Variants in SPATA9 observed in about 807,000 individuals in gnomAD.
SPATA9 encodes spermatogenesis associated 9.
Under a neutral mutation model 25.5 loss-of-function variants are expected in SPATA9, and 27 were observed. The ratio of observed to expected loss-of-function variants is 1.06; its 90% CI spans 0.78 to 1.46. SPATA9 has a LOEUF of 1.46. Among genes scored for constraint, SPATA9 ranks in the 40% most tolerant of loss-of-function variants. SPATA9 has a pLI of 0.00. For missense variants in SPATA9, 282 were observed against 297.5 expected (o/e 0.95, Z 0.38); for synonymous variants, 102 against 105.7 (o/e 0.97, Z 0.21).
chr5:95,682,754 T>C, intron 1 of SPATA9, 40 bp downstream of exon 1: 2 of 1,534,190 alleles, frequency 1.3e-6, no homozygotes, highest in Non-Finnish European at 1.8e-6. Flanking sequence ...TCCCAATTGT[T>C]CCCACACCCA....
At chr5:95,717,241 A>G in the SPATA9 span, among the ~76,000 whole-genome samples, 1 of 152,194 alleles carries the variant, frequency 6.6e-6, no homozygotes, top group Non-Finnish European at 1.5e-5. Context: ...CAGCCAGCAG[A>G]CTGCCTTTGA....
chr5:95,677,587 T>C (rs1418448765), intron 2 of SPATA9, among the ~76,000 whole-genome samples: 2 of 152,132 alleles, frequency 1.3e-5, no homozygotes, highest in Non-Finnish European at 2.9e-5. Flanking sequence ...CCAAACATCA[T>C]TGGTGCCTTC....
chr5:95,653,428 G>A (rs886875336), downstream of SPATA9, among the ~76,000 whole-genome samples: 1 of 152,226 alleles, frequency 6.6e-6, no homozygotes, highest in Non-Finnish European at 1.5e-5. Flanking sequence ...TGTTGAATTT[G>A]ATAGGAAATA....
the SPATA9 span, among the ~76,000 whole-genome samples, chr5:95,730,501 T>C: frequency 1.6e-4 from 25 of 152,322 alleles, no homozygotes; most frequent in African/African-American, 5.5e-4. Context: ...AGTGCATTAT[T>C]ATGAAAGAAT....
At position 95,675,580 on chromosome 5, in the gene SPATA9, A is replaced by T. The variant is rs771481824; in HGVS notation, c.210T>A (p.Ile70=). The T allele has an allele frequency of 6.2e-7, 1 of 1,614,158 alleles. No homozygotes were observed. The change falls in exon 3 of 5, where the codon ATT becomes ATA. Residue 70 remains isoleucine (I), a synonymous_variant. Coordinates refer to ENST00000274432, the MANE Select transcript of SPATA9 (RefSeq NM_031952.4). ...ATCCACGAATTAATGTTGCTCGATTAATCTTAGCTAAAGCAATAGCCATCC... is the reference window on the plus strand; with the variant it reads ...ATCCACGAATTAATGTTGCTCGATTTATCTTAGCTAAAGCAATAGCCATCC... ...KIRMAIALAK[I]NRATLIRGLN... is the part of the protein sequence containing the mutation.
chr5:95,670,773 C>T, intron 3 of SPATA9: 1 of 867,786 alleles, frequency 1.2e-6, no homozygotes, highest in Non-Finnish European at 1.4e-6. Flanking sequence ...CATGGATGCA[C>T]TCCATTTACA....
chr5:95,715,550 A>C, the SPATA9 span, among the ~76,000 whole-genome samples: 4 of 152,230 alleles, frequency 2.6e-5, no homozygotes, highest in Non-Finnish European at 5.9e-5. Flanking sequence ...GGAGAAAAAG[A>C]AAATTGTTTT....
Position 95,658,662 on chromosome 5 carries a change from A to G in SPATA9, c.726T>C (p.Ser242=), listed in dbSNP as rs1441433370. 5.6e-6 allele frequency: 9 copies of G among 1,613,696 alleles called. No individual in the cohort carries two copies. Among genetic ancestry groups the G allele is most frequent in the Non-Finnish European group, 7.6e-6 (9 of 1,179,844 alleles). The change falls in exon 5 of 5, where the codon TCT becomes TCC. Residue 242 remains serine (S), a synonymous_variant. Coordinates refer to ENST00000274432, the MANE Select transcript of SPATA9 (RefSeq NM_031952.4). ...TCATTTCAGCTGATTGGTCAAACAC[A>G]GAATGTAAAACTTGGATGTTATTAC... ...KQSNNIQVLH[S]VFDQSAEMNE... is the part of the protein sequence containing the mutation.
the SPATA9 span, chr5:95,732,015 G>C: frequency 3.7e-6 from 6 of 1,614,100 alleles, no homozygotes; most frequent in Non-Finnish European, 5.1e-6. Context: ...TCGCGCGTCC[G>C]GTGTTCACCG....
upstream of SPATA9, among the ~76,000 whole-genome samples, chr5:95,700,388 C>T (rs751577275): frequency 1.2e-4 from 18 of 152,112 alleles, no homozygotes; most frequent in Non-Finnish European, 2.4e-4. Context: ...CAACCTCCAC[C>T]TCCCAGGTTC....
At chr5:95,658,069 A>G (rs2112535422), downstream of SPATA9, 1 of 152,302 alleles carries the variant, frequency 6.6e-6, no homozygotes, top group South Asian at 2.1e-4. Context: ...AAATCATATC[A>G]TGTACTGTCT....
chr5:95,705,831 A>G, the SPATA9 span, among the ~76,000 whole-genome samples: 1 of 152,228 alleles, frequency 6.6e-6, no homozygotes, highest in Admixed American at 6.5e-5. Context: ...GTCAAAATCT[A>G]TCTCAACAGA....
At chr5:95,681,022 T>C (rs1040509534) in intron 2 of SPATA9, among the ~76,000 whole-genome samples, 42 of 152,338 alleles carry the variant, frequency 2.8e-4, no homozygotes, top group African/African-American at 9.9e-4. Flanking sequence ...CCCATTCTAT[T>C]TCCAATGTTA....
chr5:95,657,731 C>T, downstream of SPATA9: 1 of 152,138 alleles, frequency 6.6e-6, no homozygotes, highest in East Asian at 1.9e-4. Context: ...CCTCATTTCT[C>T]AGACAACCAA....
At chr5:95,731,961 C>T in the SPATA9 span, 1 of 1,614,164 alleles carries the variant, frequency 6.2e-7, no homozygotes. Flanking sequence ...GCCCTCTGGT[C>T]TCCGGGGACG....
chr5:95,666,369 C>A (rs141895733), intron 3 of SPATA9, among the ~76,000 whole-genome samples: 1 of 152,150 alleles, frequency 6.6e-6, no homozygotes, highest in African/African-American at 2.4e-5. Flanking sequence ...CCCCAGAGTT[C>A]TTGAGTAATG....
chr5:95,667,195 C>T (rs538285741), intron 3 of SPATA9, among the ~76,000 whole-genome samples: 31 of 152,114 alleles, frequency 2.0e-4, no homozygotes, highest in Admixed American at 9.8e-4. Context: ...GCTCAGTGTT[C>T]GCTTAGTGCT....
chr5:95,672,895 C>T (rs903161164), intron 3 of SPATA9, among the ~76,000 whole-genome samples: 3 of 152,166 alleles, frequency 2.0e-5, no homozygotes, highest in Non-Finnish European at 4.4e-5. Context: ...CCATGGATTT[C>T]TCTCATTCCT....
chr5:95,695,698 T>C (rs1689616050), intron 1 of SPATA9, among the ~76,000 whole-genome samples: 1 of 152,222 alleles, frequency 6.6e-6, no homozygotes, highest in Admixed American at 6.5e-5. Context: ...ATAATTATCT[T>C]ATTAGAAACA....
Sources: gnomAD v4.1 joint callset for allele counts (sites outside exome capture counted in the v4.1 genomes callset) on GRCh38, gnomAD v4.1.1 for gene constraint, MANE v1.5 for transcripts, NCBI Gene and HGNC (gene_info 2026-07-23, HGNC 2026-07-21) for gene names.